The following TMEM164 variants were observed in gnomAD, a reference collection of about 807,000 sequenced individuals.
TMEM164 encodes transmembrane protein 164.
In TMEM164, 4 loss-of-function variants were observed where a neutral mutation model predicts 18.8. The ratio of observed to expected loss-of-function variants is 0.21; its 90% confidence interval spans 0.10 to 0.49. The LOEUF is 0.49. Ranked by LOEUF, TMEM164 falls within the 20% of genes least tolerant of loss-of-function variation. The probability of loss-of-function intolerance (pLI) is 0.98; values close to 1 mark genes in which losing one functional copy is unlikely to be tolerated. For missense variants in TMEM164, 108 were observed against 239.9 expected, an observed-to-expected ratio of 0.45 and a Z score of 3.63; for synonymous variants, 86 against 101.7, an observed-to-expected ratio of 0.85 and a Z score of 0.93.
chrX:110,021,367 A>C (rs1377626349), intron 2 of TMEM164, among the ~76,000 whole-genome samples: 1 of 110,985 alleles, frequency 9.0e-6, no homozygotes, highest in Non-Finnish European at 1.9e-5. Flanking sequence ...GGCAGGGGGC[A>C]TGGAGAGATT....
intron 2 of TMEM164, among the ~76,000 whole-genome samples, chrX:110,025,496 T>C (rs913192954): frequency 8.9e-6 from 1 of 112,287 alleles, no homozygotes; most frequent in Non-Finnish European, 1.9e-5. Context: ...GATTTTACCT[T>C]ATTCTCACCT....
At chrX:110,052,432 C>G (rs771435113) in intron 2 of TMEM164, among the ~76,000 whole-genome samples, 6 of 112,562 alleles carry the variant, frequency 5.3e-5, no homozygotes, top group Non-Finnish European at 1.1e-4. Context: ...TCTTGGAAAT[C>G]CTGAGAATTA....
intron 2 of TMEM164, among the ~76,000 whole-genome samples, chrX:110,038,970 G>A (rs1220442150): frequency 8.9e-6 from 1 of 111,881 alleles, no homozygotes; most frequent in Non-Finnish European, 1.9e-5. Flanking sequence ...TAGTTTAAGG[G>A]TTGAGGCATG....
chrX:110,017,493 TCCC>T, intron 2 of TMEM164, among the ~76,000 whole-genome samples: 1 of 1,468 alleles, frequency 6.8e-4, no homozygotes, highest in African/African-American at 1.0e-3. Flanking sequence ...CCTCCCTCCC[TCCC>T]TCCCTCCCTC....
intron 5 of TMEM164, among the ~76,000 whole-genome samples, chrX:110,164,172 A>C (rs2067129978): frequency 8.9e-6 from 1 of 112,060 alleles, no homozygotes; most frequent in Non-Finnish European, 1.9e-5. Context: ...TCTCTAGTAC[A>C]TTCAGCTGTG....
At chrX:110,140,962 C>T (rs1366291747) in intron 4 of TMEM164, among the ~76,000 whole-genome samples, 2 of 111,353 alleles carry the variant, frequency 1.8e-5, no homozygotes, top group Non-Finnish European at 3.8e-5. Context: ...CAGAACTCAG[C>T]CCAGACTCGG....
intron 5 of TMEM164, among the ~76,000 whole-genome samples, chrX:110,159,411 C>T (rs757480293): frequency 4.5e-5 from 5 of 110,536 alleles, no homozygotes; most frequent in South Asian, 3.9e-4. Flanking sequence ...GCTGAACTGT[C>T]GGGAGGTTGT....
intron 3 of TMEM164, among the ~76,000 whole-genome samples, chrX:110,075,380 G>A (rs1013743896): frequency 1.8e-5 from 2 of 111,248 alleles, no homozygotes; most frequent in African/African-American, 6.5e-5. Flanking sequence ...GGTTTTCTAG[G>A]TATAGAATTA....
At chrX:110,006,315 G>A (rs775484460) in intron 2 of TMEM164, among the ~76,000 whole-genome samples, 5 of 111,298 alleles carry the variant, frequency 4.5e-5, no homozygotes, top group Admixed American at 9.5e-5. Context: ...ACTCAACTGG[G>A]CCATGCTTGG....
downstream of TMEM164, chrX:110,182,857 T>C (rs1322170521): frequency 2.7e-5 from 3 of 111,905 alleles, no homozygotes; most frequent in East Asian, 8.4e-4. Context: ...AGCTCTGCCC[T>C]TGTAACCTTT....
At chrX:110,134,789 C>T (rs899742784) in intron 4 of TMEM164, among the ~76,000 whole-genome samples, 1 of 109,755 alleles carries the variant, frequency 9.1e-6, no homozygotes. Flanking sequence ...CCCCTTTACA[C>T]ATTATTTTCT....
At chrX:110,162,373 G>T (rs1268720102) in intron 5 of TMEM164, among the ~76,000 whole-genome samples, 1 of 112,407 alleles carries the variant, frequency 8.9e-6, no homozygotes. Context: ...CCTCATGGAT[G>T]AAGGTGGGTC....
At chrX:110,151,858 G>T (rs939003207) in intron 5 of TMEM164, among the ~76,000 whole-genome samples, 1 of 111,097 alleles carries the variant, frequency 9.0e-6, no homozygotes, top group African/African-American at 3.3e-5. Flanking sequence ...CATGCTCATT[G>T]TTCAATTGTG....
At chrX:110,006,439 C>T (rs1157675497) in intron 2 of TMEM164, among the ~76,000 whole-genome samples, 1 of 111,196 alleles carries the variant, frequency 9.0e-6, no homozygotes, top group African/African-American at 3.3e-5. Flanking sequence ...CTTCTTTGCC[C>T]TTTTCCCCTA....
chrX:110,066,099 T>C (rs1196424246), intron 2 of TMEM164, among the ~76,000 whole-genome samples: 1 of 111,769 alleles, frequency 8.9e-6, no homozygotes, highest in Non-Finnish European at 1.9e-5. Flanking sequence ...TTAAGACCCT[T>C]TCTCATTTTC....
intron 4 of TMEM164, among the ~76,000 whole-genome samples, chrX:110,135,888 A>G (rs908992092): frequency 1.8e-5 from 2 of 111,931 alleles, no homozygotes; most frequent in African/African-American, 3.2e-5. Flanking sequence ...AAGACTAAGG[A>G]CATTCTCTCG....
intron 5 of TMEM164, 124 bp from the exon 6 acceptor site, chrX:110,171,296 C>G: frequency 2.0e-6 from 1 of 511,109 alleles, no homozygotes; most frequent in Non-Finnish European, 3.4e-6. Flanking sequence ...TGAGTAGTTG[C>G]CAGTGATCAG....
At chrX:110,096,588 C>T (rs1447512205) in intron 3 of TMEM164, among the ~76,000 whole-genome samples, 2 of 112,349 alleles carry the variant, frequency 1.8e-5, no homozygotes, top group Non-Finnish European at 3.8e-5. Context: ...CTGTCTGTCA[C>T]GGCTTCCCTT....
At chrX:110,163,406 T>A (rs2067118378) in intron 5 of TMEM164, among the ~76,000 whole-genome samples, 2 of 112,206 alleles carry the variant, frequency 1.8e-5, no homozygotes, top group African/African-American at 3.2e-5. Flanking sequence ...AATATAAAAA[T>A]TATTACCAGG....
Sources: gnomAD v4.1 joint callset for allele counts (sites outside exome capture counted in the v4.1 genomes callset) on GRCh38, gnomAD v4.1.1 for gene constraint, MANE v1.5 for transcripts, NCBI Gene and HGNC (gene_info 2026-07-23, HGNC 2026-07-21) for gene names.